UPP2: variants seen among roughly 807,000 people sequenced by gnomAD.
UPP2 encodes the protein uridine phosphorylase 2.
UPP2 carries 23 observed loss-of-function variants against 26.7 expected under a neutral mutation model. The observed-to-expected ratio is 0.86, with a 90% CI of 0.62 to 1.22. UPP2 has a LOEUF of 1.22. UPP2 is among the 50% of genes most tolerant of loss of function. The pLI is 0.00. For missense variants in UPP2, 387 were observed against 396.7 expected (o/e 0.98, Z 0.21); for synonymous variants, 127 against 141.3 (o/e 0.90, Z 0.72).
intron 6 of UPP2, among the ~76,000 whole-genome samples, chr2:158,130,608 A>G (rs1238215089): frequency 6.6e-6 from 1 of 152,198 alleles, no homozygotes; most frequent in African/African-American, 2.4e-5. Flanking sequence ...TAGCACCTTT[A>G]TAAAAGGTAT....
chr2:158,059,800 T>C (rs886374254), intron 3 of UPP2, among the ~76,000 whole-genome samples: 3 of 152,156 alleles, frequency 2.0e-5, no homozygotes, highest in African/African-American at 7.2e-5. Context: ...CTTTGTCTCA[T>C]ACCCTAGCTG....
chr2:158,058,686 C>T (rs1682302214), intron 3 of UPP2, among the ~76,000 whole-genome samples: 1 of 152,104 alleles, frequency 6.6e-6, no homozygotes, highest in African/African-American at 2.4e-5. Flanking sequence ...TTTTCAAGCA[C>T]TTCCATATTT....
intron 3 of UPP2, among the ~76,000 whole-genome samples, chr2:158,075,035 A>G (rs1682609376): frequency 6.6e-6 from 1 of 152,142 alleles, no homozygotes; most frequent in African/African-American, 2.4e-5. Flanking sequence ...AAGGAAAGTC[A>G]TTACATAATG....
chr2:158,107,123 C>G (rs1037082453), intron 2 of UPP2, among the ~76,000 whole-genome samples: 1 of 152,248 alleles, frequency 6.6e-6, no homozygotes, highest in African/African-American at 2.4e-5. Context: ...TAAAGATTTT[C>G]TACATTTAGG....
chr2:158,078,754 G>A (rs1316064624), intron 3 of UPP2, among the ~76,000 whole-genome samples: 1 of 152,060 alleles, frequency 6.6e-6, no homozygotes, highest in Admixed American at 6.6e-5. Context: ...CATAATGACT[G>A]CACATTTTAA....
rs549627364 is a variant in UPP2, at chr2:158,006,252, G to A, written c.62-9549G>A. Reference sequence around the variant, plus strand: ...AGGCGGGCAGATCACGAGGTCAGGAGATCAAGACCATCCTGGCTAACACGG... The same window carrying A: ...AGGCGGGCAGATCACGAGGTCAGGAAATCAAGACCATCCTGGCTAACACGG... On this transcript the variant is annotated intron_variant, in intron 2 of 9. Coordinates refer to the UPP2 transcript ENST00000605860. Among the ~76,000 whole-genome samples, 40 of 152,304 alleles carry A rather than the reference G, an allele frequency of 2.6e-4. No homozygotes were observed. The South Asian group carries it at 7.7e-3, about 29-fold the overall frequency.
At position 158,115,259 on chromosome 2, in the gene UPP2, T is replaced by C. The variant is rs149517236; in HGVS notation, c.339T>C (p.Ser113=). Residue 113 remains serine, a splice_region_variant and synonymous_variant, in exon 3 of 7, where the codon AGT becomes AGC. Coordinates refer to ENST00000005756, the MANE Select transcript of UPP2 (RefSeq NM_173355.4). ...MYKTGPVLAI[S]HGMGIPSISI... is the part of the protein sequence containing the mutation. Reference sequence around the variant, plus strand: ...AAACCGGGCCTGTGCTCGCCATCAGTGTAAGTATCCATGGTTGCATTTCAG... The same window carrying C: ...AAACCGGGCCTGTGCTCGCCATCAGCGTAAGTATCCATGGTTGCATTTCAG... 1.2e-6 allele frequency: 2 copies of C among 1,602,362 alleles called. No homozygotes were observed. The highest frequency in any genetic ancestry group is 2.7e-5 in the African/African-American group (2 of 74,262).
At chr2:158,056,710 T>C (rs1682250932) in intron 3 of UPP2, among the ~76,000 whole-genome samples, 2 of 152,200 alleles carry the variant, frequency 1.3e-5, no homozygotes, top group Non-Finnish European at 2.9e-5. Context: ...GTGAGATTCT[T>C]AGAAGGACGG....
chr2:158,044,708 G>T (rs930001623), intron 3 of UPP2, among the ~76,000 whole-genome samples: 1 of 152,184 alleles, frequency 6.6e-6, no homozygotes, highest in Admixed American at 6.5e-5. Flanking sequence ...CAAGTAATTA[G>T]AGATTTGTAC....
intron 2 of UPP2, among the ~76,000 whole-genome samples, chr2:158,014,017 T>C (rs1348912766): frequency 2.0e-5 from 3 of 152,222 alleles, no homozygotes; most frequent in Non-Finnish European, 4.4e-5. Flanking sequence ...GGGGAAGAAC[T>C]GAGCTGTTTA....
At chr2:158,066,025 T>G (rs1229508670) in intron 3 of UPP2, 1 of 338,068 alleles carries the variant, frequency 3.0e-6, no homozygotes, top group Non-Finnish European at 5.5e-6. Flanking sequence ...TGGCTGCACT[T>G]CAAAGACTCC....
At position 158,134,760 on chromosome 2, in the gene UPP2, G is replaced by GTT. The variant is rs1683895564; in HGVS notation, c.825_826insTT (p.Val276LeufsTer2). ...ATTGCTCTTCTAGCTGCTGTGGTCTGTGTGACACTTCTCGACAGACTCGAC... is the reference window on the plus strand; with the variant it reads ...ATTGCTCTTCTAGCTGCTGTGGTCTGTTTGTGACACTTCTCGACAGACTCGAC... On this transcript the variant is annotated frameshift_variant, in exon 7 of 7. Coordinates refer to ENST00000005756, the MANE Select transcript of UPP2 (RefSeq NM_173355.4). LOFTEE classifies it low-confidence loss of function (END_TRUNC). 1 of 1,611,320 alleles carries GTT rather than the reference G, an allele frequency of 6.2e-7. No homozygotes were observed. Among genetic ancestry groups the GTT allele is most frequent in the Non-Finnish European group, 8.5e-7 (1 of 1,178,670 alleles).
At chr2:158,134,211 G>C (rs1683883293) in intron 6 of UPP2, among the ~76,000 whole-genome samples, 1 of 152,068 alleles carries the variant, frequency 6.6e-6, no homozygotes, top group Non-Finnish European at 1.5e-5. Context: ...TTTCATGAGA[G>C]CCAGTACTCA....
At chr2:158,097,551 T>C (rs943338290), upstream of UPP2, among the ~76,000 whole-genome samples, 4 of 152,190 alleles carry the variant, frequency 2.6e-5, no homozygotes, top group Non-Finnish European at 5.9e-5. Context: ...TCATACACAA[T>C]TATTAAAACT....
chr2:158,063,451 C>T (rs1336531125), intron 3 of UPP2, among the ~76,000 whole-genome samples: 3 of 152,156 alleles, frequency 2.0e-5, no homozygotes, highest in South Asian at 4.1e-4. Context: ...AACCAGGAGC[C>T]GCTCACTGCA....
chr2:158,095,447 T>A (rs1284578585), intron 3 of UPP2, among the ~76,000 whole-genome samples: 1 of 152,174 alleles, frequency 6.6e-6, no homozygotes, highest in Non-Finnish European at 1.5e-5. Flanking sequence ...AACACCCAGA[T>A]CAAATTCCCT....
intron 3 of UPP2, among the ~76,000 whole-genome samples, chr2:158,049,424 A>G (rs1682108860): frequency 6.6e-6 from 1 of 152,230 alleles, no homozygotes; most frequent in South Asian, 2.1e-4. Context: ...TTTCAGCTGC[A>G]GTACAAACCA....
At chr2:158,120,020 A>T (rs1021509093) in intron 4 of UPP2, among the ~76,000 whole-genome samples, 5 of 151,504 alleles carry the variant, frequency 3.3e-5, no homozygotes, top group African/African-American at 1.2e-4. Context: ...CAAAAAAAAA[A>T]AATAAAAATA....
At chr2:158,065,682 A>T in intron 3 of UPP2, 1 of 616,694 alleles carries the variant, frequency 1.6e-6, no homozygotes, top group Non-Finnish European at 3.1e-6. Context: ...TTCACAATAG[A>T]TAAGAGTATG....
Sources: gnomAD v4.1 joint callset for allele counts (sites outside exome capture counted in the v4.1 genomes callset) on GRCh38, gnomAD v4.1.1 for gene constraint, MANE v1.5 for transcripts, NCBI Gene and HGNC (gene_info 2026-07-23, HGNC 2026-07-21) for gene names.